Variants in STIMATE observed in about 807,000 individuals in gnomAD.
STIMATE encodes store-operated calcium entry regulator STIMATE.
Under a neutral mutation model 36.7 loss-of-function variants are expected in STIMATE, and 15 were observed. The ratio of observed to expected loss-of-function variants is 0.41; its 90% CI spans 0.27 to 0.63. The LOEUF is 0.63. Ranked by LOEUF, STIMATE falls within the 20% of genes least tolerant of loss-of-function variation. STIMATE has a pLI of 0.32. For missense variants in STIMATE, 305 were observed against 397.3 expected, an observed-to-expected ratio of 0.77 and a Z score of 1.98; for synonymous variants, 163 against 162.3, an observed-to-expected ratio of 1.00 and a Z score of -0.03.
At chr3:52,848,034 G>A (rs1016116499) in intron 4 of STIMATE, 1 of 154,870 alleles carries the variant, frequency 6.5e-6, no homozygotes, top group Non-Finnish European at 1.4e-5. Context: ...TGGGACTTTA[G>A]CCCAGTGAGA....
Position 52,842,980 on chromosome 3 carries a change from AG to A in STIMATE, c.619-21del, listed in dbSNP as rs760765616. ...CAAAGCCTGTGGGAAGGAAAAGTGC[AG>A]GTTACTTTGGGATAAACCATTTTTC... On this transcript the variant is annotated intron_variant, in intron 6 of 7. Coordinates refer to ENST00000355083, the MANE Select transcript of STIMATE (RefSeq NM_198563.5). 6.2e-7 allele frequency: 1 copy of A among 1,614,138 alleles called. No individual in the cohort carries two copies. The highest frequency in any genetic ancestry group is 1.7e-5 in the Admixed American group (1 of 60,018).
chr3:52,849,589 G>T (rs1361255196), intron 4 of STIMATE, among the ~76,000 whole-genome samples: 4 of 151,908 alleles, frequency 2.6e-5, no homozygotes, highest in Non-Finnish European at 5.9e-5. Flanking sequence ...CTGCCATAAG[G>T]TGAGGGCCTT....
At chr3:52,846,772 G>A (rs926897281) in intron 4 of STIMATE, among the ~76,000 whole-genome samples, 2 of 152,232 alleles carry the variant, frequency 1.3e-5, no homozygotes, top group African/African-American at 2.4e-5. Flanking sequence ...CGCAGCCACC[G>A]TTGGGAGAAG....
intron 1 of STIMATE, 37 bp downstream of exon 1, chr3:52,897,254 G>T (rs1170503008): frequency 6.5e-7 from 1 of 1,528,352 alleles, no homozygotes; most frequent in South Asian, 1.2e-5. Flanking sequence ...CGGCTGCCGC[G>T]CAGGGCCTCC....
intron 1 of STIMATE, among the ~76,000 whole-genome samples, chr3:52,865,674 C>A (rs56877035): frequency 6.6e-6 from 1 of 152,182 alleles, no homozygotes; most frequent in Non-Finnish European, 1.5e-5. Flanking sequence ...CCCACCCCAA[C>A]GTGGGAATTA....
rs893690737 is a variant in STIMATE, at chr3:52,837,500, A to G, written c.*2994T>C. On this transcript the variant is annotated 3_prime_UTR_variant, in exon 8 of 8. Transcript: ENST00000355083. ...TCTTGCATGTGTGCAAGCTGAGTGGACCAAGAAGCCACCACCACCTGGATC... is the reference window on the plus strand; with the variant it reads ...TCTTGCATGTGTGCAAGCTGAGTGGGCCAAGAAGCCACCACCACCTGGATC... The G allele has an allele frequency of 6.6e-6, 1 of 152,618 alleles. No individual in the cohort carries two copies. Among genetic ancestry groups the G allele is most frequent in the Non-Finnish European group, 1.5e-5 (1 of 68,226 alleles). The allele number at this position is 152,618 out of a possible 1,614,324, so 9.5% of individuals were successfully genotyped here. A position where few individuals can be genotyped will look rare whatever the true frequency, so the allele number is the denominator to read the frequency against.
chr3:52,844,211 A>G (rs1196147692), intron 5 of STIMATE, among the ~76,000 whole-genome samples: 1 of 152,220 alleles, frequency 6.6e-6, no homozygotes, highest in Non-Finnish European at 1.5e-5. Context: ...ACCACCCCTA[A>G]AAGACAACAG....
chr3:52,844,061 G>C (rs1700853601), intron 5 of STIMATE, among the ~76,000 whole-genome samples: 1 of 152,204 alleles, frequency 6.6e-6, no homozygotes, highest in Admixed American at 6.5e-5. Context: ...CAGCCACCAA[G>C]CCAGGGCAAG....
chr3:52,888,474 T>C (rs1346966746), intron 1 of STIMATE, among the ~76,000 whole-genome samples: 1 of 152,238 alleles, frequency 6.6e-6, no homozygotes, highest in Non-Finnish European at 1.5e-5. Context: ...AATGATCCGA[T>C]GGTGCACACT....
intron 1 of STIMATE, among the ~76,000 whole-genome samples, chr3:52,875,022 A>T (rs1701476674): frequency 6.6e-6 from 1 of 152,192 alleles, no homozygotes. Flanking sequence ...GAGACGGAAA[A>T]TGCGCCACTT....
intron 1 of STIMATE, among the ~76,000 whole-genome samples, chr3:52,879,224 G>C (rs1421381210): frequency 6.6e-6 from 1 of 152,182 alleles, no homozygotes; most frequent in Non-Finnish European, 1.5e-5. Flanking sequence ...GATCTGAGAA[G>C]AGAAACAACA....
chr3:52,868,653 G>A (rs1334731974), intron 1 of STIMATE, among the ~76,000 whole-genome samples: 1 of 152,096 alleles, frequency 6.6e-6, no homozygotes, highest in Non-Finnish European at 1.5e-5. Context: ...ACAGTGTTTT[G>A]CTCTTGTCGC....
intron 1 of STIMATE, among the ~76,000 whole-genome samples, chr3:52,875,314 A>G (rs1429482129): frequency 1.3e-5 from 2 of 152,146 alleles, no homozygotes; most frequent in African/African-American, 4.8e-5. Context: ...TCAAATTCTT[A>G]GAAGAAGGCA....
intron 1 of STIMATE, among the ~76,000 whole-genome samples, chr3:52,892,451 A>C (rs1479319528): frequency 6.6e-6 from 1 of 152,218 alleles, no homozygotes; most frequent in East Asian, 1.9e-4. Context: ...TGGCCACAAC[A>C]CCAGCTTGGC....
At chr3:52,858,543 T>C (rs1168250306) in intron 1 of STIMATE, among the ~76,000 whole-genome samples, 1 of 152,188 alleles carries the variant, frequency 6.6e-6, no homozygotes, top group Non-Finnish European at 1.5e-5. Context: ...GAGGATTGGT[T>C]GAGCCCAGGA....
chr3:52,844,557 A>G (rs998369031), intron 5 of STIMATE, among the ~76,000 whole-genome samples: 6 of 152,168 alleles, frequency 3.9e-5, no homozygotes, highest in Non-Finnish European at 7.3e-5. Context: ...AGGCCTAAAA[A>G]CCACCATCAG....
chr3:52,853,251 A>G (rs1184611060), intron 2 of STIMATE, among the ~76,000 whole-genome samples: 8 of 152,228 alleles, frequency 5.3e-5, no homozygotes, highest in African/African-American at 1.9e-4. Flanking sequence ...AGAATGATGC[A>G]GTCATAGACA....
chr3:52,891,680 CT>C (rs139078667), intron 1 of STIMATE, among the ~76,000 whole-genome samples: 8 of 149,412 alleles, frequency 5.4e-5, no homozygotes, highest in African/African-American at 7.3e-5. Flanking sequence ...TTCTTTCTTT[CT>C]TTTTTTTTTC....
At chr3:52,881,918 A>G (rs1701612274) in intron 1 of STIMATE, among the ~76,000 whole-genome samples, 3 of 152,266 alleles carry the variant, frequency 2.0e-5, no homozygotes, top group Admixed American at 1.3e-4. Flanking sequence ...GAGAACAGGA[A>G]TCAAGTTTCC....
Sources: gnomAD v4.1 joint callset for allele counts (sites outside exome capture counted in the v4.1 genomes callset) on GRCh38, gnomAD v4.1.1 for gene constraint, MANE v1.5 for transcripts, NCBI Gene and HGNC (gene_info 2026-07-23, HGNC 2026-07-21) for gene names.